The following MFAP3L variants were observed in gnomAD, a reference collection of about 807,000 sequenced individuals.
MFAP3L encodes microfibrillar-associated protein 3-like.
In MFAP3L, 5 loss-of-function variants were observed where a neutral mutation model predicts 20.0. The observed-to-expected ratio is 0.25, with a 90% CI of 0.13 to 0.53. MFAP3L has a LOEUF of 0.53. MFAP3L is among the 20% of genes least tolerant of loss of function. The probability of loss-of-function intolerance (pLI) is 0.96; values close to 1 mark genes in which losing one functional copy is unlikely to be tolerated. For synonymous variants in MFAP3L, 219 were observed against 213.0 expected (o/e 1.03, Z -0.25); for missense variants, 409 against 527.5 (o/e 0.78, Z 2.20).
At position 169,989,591 on chromosome 4, in the gene MFAP3L, A is replaced by G. The variant is rs955741801; in HGVS notation, c.*1787T>C. 7.2e-5 allele frequency: 11 copies of G among 152,188 alleles called. No individual in the cohort carries two copies. The highest frequency in any genetic ancestry group is 2.7e-4 in the African/African-American group (11 of 41,432). The allele number at this position is 152,188 out of a possible 1,614,324, so 9.4% of individuals were successfully genotyped here. On this transcript the variant is annotated 3_prime_UTR_variant, in exon 3 of 3. Transcript: ENST00000361618. Reference sequence around the variant, plus strand: ...CCCTCGAGTACTACCTGCATATTTTACAGATGAAAAAGATTAAATCCCAGA... The same window carrying G: ...CCCTCGAGTACTACCTGCATATTTTGCAGATGAAAAAGATTAAATCCCAGA...
At chr4:169,993,134 T>C (rs1276961427) in intron 2 of MFAP3L, among the ~76,000 whole-genome samples, 2 of 152,178 alleles carry the variant, frequency 1.3e-5, no homozygotes, top group African/African-American at 2.4e-5. Context: ...TCAGGAATGA[T>C]ATTTTGAATT....
intron 1 of MFAP3L, among the ~76,000 whole-genome samples, chr4:170,008,005 C>T (rs1739154001): frequency 6.6e-6 from 1 of 152,168 alleles, no homozygotes; most frequent in African/African-American, 2.4e-5. Context: ...CAGAGGCTCT[C>T]CACATTTGGC....
chr4:169,989,772 A>T lies in MFAP3L; in HGVS notation c.*1606T>A, dbSNP rs1737530208. On this transcript the variant is annotated 3_prime_UTR_variant, in exon 3 of 3. Transcript: ENST00000361618. ...CCACGGCCCCTATGAATTTATTAAG[A>T]TTACTGTCTCCTTTGCTTTTAAGGG... The T allele has an allele frequency of 6.6e-6, 1 of 152,186 alleles. No homozygotes were observed. Among genetic ancestry groups the T allele is most frequent in the African/African-American group, 2.4e-5 (1 of 41,444 alleles). The allele number at this position is 152,186 out of a possible 1,614,324, so 9.4% of individuals were successfully genotyped here.
Position 170,005,563 on chromosome 4 carries a change from A to G in MFAP3L, c.298+17T>C, listed in dbSNP as rs777052769. 6.2e-7 allele frequency: 1 copy of G among 1,608,008 alleles called. No homozygotes were observed. The highest frequency in any genetic ancestry group is 8.5e-7 in the Non-Finnish European group (1 of 1,175,174). ...TTTATATTTTATTATGACATTTGAT[A>G]CAACTTTAAAGCCTACCTCCTCCTC... On this transcript the variant is annotated intron_variant, in intron 2 of 2. Coordinates refer to ENST00000361618, the MANE Select transcript of MFAP3L (RefSeq NM_021647.8).
chr4:170,018,282 G>A (rs1294618579), intron 1 of MFAP3L, among the ~76,000 whole-genome samples: 5 of 152,158 alleles, frequency 3.3e-5, no homozygotes, highest in Non-Finnish European at 7.3e-5. Context: ...AACACGGCAC[G>A]CAAGTAATAA....
At chr4:170,011,032 G>T (rs115783278) in intron 1 of MFAP3L, among the ~76,000 whole-genome samples, 1,679 of 152,252 alleles carry the variant, frequency 0.011, 37 homozygotes, top group African/African-American at 0.039. Flanking sequence ...GTGGTAGTAA[G>T]TCTCACGAGA....
chr4:169,993,060 T>C (rs1737849568), intron 2 of MFAP3L, among the ~76,000 whole-genome samples: 1 of 152,208 alleles, frequency 6.6e-6, no homozygotes, highest in African/African-American at 2.4e-5. Context: ...GGAGAACACA[T>C]ACTGATAATA....
chr4:170,009,702 T>C (rs1047061723), intron 1 of MFAP3L, among the ~76,000 whole-genome samples: 19 of 152,230 alleles, frequency 1.2e-4, no homozygotes, highest in African/African-American at 4.6e-4. Context: ...AAATATCAAA[T>C]GTTCTTTATT....
chr4:169,992,400 T>G lies in MFAP3L; in HGVS notation c.299-91A>C. The G allele has an allele frequency of 8.8e-7, 1 of 1,134,814 alleles. No homozygotes were observed. The highest frequency in any genetic ancestry group is 1.3e-6 in the Non-Finnish European group (1 of 791,424). 70.3% of individuals were successfully genotyped at this position (1,134,814 alleles called of 1,614,324 possible). On this transcript the variant is annotated intron_variant, in intron 2 of 2. Coordinates refer to ENST00000361618, the MANE Select transcript of MFAP3L (RefSeq NM_021647.8). This position sits in a 1 kb window ranked among gnomAD's most constrained non-coding sequence, Gnocchi z 4.3. The stretch of plus-strand genomic sequence containing the variant: ...GTTTCTAAGAACATCTATGAACATC[T>G]ATGAAGAACATCTATGAAGTCTATG...
chr4:169,992,332 A>G lies in MFAP3L; in HGVS notation c.299-23T>C. The G allele has an allele frequency of 6.3e-7, 1 of 1,578,996 alleles. No homozygotes were observed. The highest frequency in any genetic ancestry group is 8.6e-7 in the Non-Finnish European group (1 of 1,158,640). ...TTCCTGTCGGAAGGGAGAGAAGAGAATTCAACCAAGGACACAGAGCTCCCA... is the reference window on the plus strand; with the variant it reads ...TTCCTGTCGGAAGGGAGAGAAGAGAGTTCAACCAAGGACACAGAGCTCCCA... On this transcript the variant is annotated intron_variant, in intron 2 of 2. Coordinates refer to ENST00000361618, the MANE Select transcript of MFAP3L (RefSeq NM_021647.8). This position sits in a 1 kb window ranked among gnomAD's most constrained non-coding sequence, Gnocchi z 4.3.
intron 1 of MFAP3L, among the ~76,000 whole-genome samples, chr4:170,025,207 T>C (rs1279187918): frequency 6.6e-6 from 1 of 152,212 alleles, no homozygotes; most frequent in Non-Finnish European, 1.5e-5. Flanking sequence ...TACGGTCTCA[T>C]GAAACGACAT....
At position 169,987,513 on chromosome 4, in the gene MFAP3L, C is replaced by T. The variant is rs965318715; in HGVS notation, c.*3865G>A. On this transcript the variant is annotated 3_prime_UTR_variant, in exon 3 of 3. Coordinates refer to ENST00000361618, the MANE Select transcript of MFAP3L (RefSeq NM_021647.8). ...GAAAGGAAATCCCCAGTTAAAAGAA[C>T]CACAGTGACTGCCACTGAAGAGTTT... is the stretch of plus-strand genomic sequence containing the variant. The T allele has an allele frequency of 4.6e-5, 7 of 152,158 alleles. No individual in the cohort carries two copies. Among genetic ancestry groups the T allele is most frequent in the African/African-American group, 1.7e-4 (7 of 41,448 alleles). The allele number at this position is 152,158 out of a possible 1,614,324, so 9.4% of individuals were successfully genotyped here. A position where few individuals can be genotyped will look rare whatever the true frequency, so the allele number is the denominator to read the frequency against.
intron 2 of MFAP3L, chr4:169,997,830 G>T (rs12054649): frequency 4.3e-6 from 4 of 924,664 alleles, no homozygotes; most frequent in Non-Finnish European, 3.7e-6. Flanking sequence ...ATATTGCTGA[G>T]AATGTAGGGT....
At position 170,005,813 on chromosome 4, in the gene MFAP3L, A is replaced by C; in HGVS notation, c.65T>G (p.Val22Gly). The change falls in exon 2 of 3, where the codon GTA (valine) becomes GGA (glycine). Residue 22 changes from valine (V) to glycine (G), a missense_variant. Coordinates refer to ENST00000361618, the MANE Select transcript of MFAP3L (RefSeq NM_021647.8). ...FLPSVPFLIL[V>G]STLATAKSVT... Reference sequence around the variant, plus strand: ...ACTCTTAGCGGTGGCTAGAGTGGATACTAGGATTAAAAAGGGCACAGAAGG... The same window carrying C: ...ACTCTTAGCGGTGGCTAGAGTGGATCCTAGGATTAAAAAGGGCACAGAAGG... 1 of 1,614,206 alleles carries C rather than the reference A, an allele frequency of 6.2e-7. No homozygotes were observed. Among genetic ancestry groups the C allele is most frequent in the Admixed American group, 1.7e-5 (1 of 60,020 alleles).
At chr4:170,026,405 G>A, upstream of MFAP3L, 2 of 529,906 alleles carry the variant, frequency 3.8e-6, no homozygotes, top group Non-Finnish European at 4.8e-6. Context: ...TGCCGGGAGC[G>A]CGGAGCTTCC....
chr4:170,024,475 T>C (rs543235575), intron 1 of MFAP3L, among the ~76,000 whole-genome samples: 1 of 152,310 alleles, frequency 6.6e-6, no homozygotes, highest in African/African-American at 2.4e-5. Context: ...CAGGATAAGG[T>C]GTACATGCAG....
intron 1 of MFAP3L, among the ~76,000 whole-genome samples, chr4:170,021,140 T>C (rs1740010526): frequency 6.6e-6 from 1 of 152,086 alleles, no homozygotes; most frequent in South Asian, 2.1e-4. Context: ...AAAAAAAATA[T>C]TGGGAATAGC....
chr4:170,010,178 T>TA (rs1739287422), intron 1 of MFAP3L, among the ~76,000 whole-genome samples: 1 of 152,210 alleles, frequency 6.6e-6, no homozygotes, highest in Admixed American at 6.5e-5. Flanking sequence ...TCAAAACTGG[T>TA]AGTCAACTCA....
rs1223416245 is a variant in MFAP3L at position 169,991,330 on chromosome 4, G to A, written c.*48C>T. The A allele has an allele frequency of 3.8e-6, 6 of 1,561,740 alleles. No individual in the cohort carries two copies. In the South Asian group the frequency reaches 7.2e-5, roughly 19 times the overall value. ...AGTGCGTACTACATCTGTATTACAA[G>A]GAGCAGCCCCTGATTTTCTTGATAT... is the stretch of plus-strand genomic sequence containing the variant. On this transcript the variant is annotated 3_prime_UTR_variant, in exon 3 of 3. Coordinates refer to ENST00000361618, the MANE Select transcript of MFAP3L (RefSeq NM_021647.8). The surrounding 1 kb of genome is among the most constrained non-coding windows in gnomAD (Gnocchi z 4.9).
Sources: allele counts gnomAD v4.1 joint callset (sites outside exome capture counted in the v4.1 genomes callset), GRCh38; gene constraint gnomAD v4.1.1; non-coding constraint Gnocchi (gnomAD v3.1); transcripts MANE v1.5; gene names NCBI Gene and HGNC (gene_info 2026-07-23, HGNC 2026-07-21).